The following AGPAT4 variants were observed in gnomAD, a reference collection of about 807,000 sequenced individuals.
AGPAT4 encodes the protein 1-acyl-sn-glycerol-3-phosphate acyltransferase delta.
In AGPAT4, 15 loss-of-function variants were observed where a neutral mutation model predicts 48.0. The ratio of observed to expected loss-of-function variants is 0.31; its 90% CI spans 0.21 to 0.48. The LOEUF (loss-of-function observed/expected upper bound fraction) is 0.48. AGPAT4 is among the 20% of genes least tolerant of loss of function. The pLI is 0.99. For synonymous variants in AGPAT4, 178 were observed against 198.7 expected, an observed-to-expected ratio of 0.90 and a Z score of 0.88; for missense variants, 314 against 482.5, an observed-to-expected ratio of 0.65 and a Z score of 3.27.
chr6:161,194,318 G>C (rs533802876), intron 2 of AGPAT4, among the ~76,000 whole-genome samples: 4 of 152,050 alleles, frequency 2.6e-5, no homozygotes, highest in African/African-American at 9.7e-5. Context: ...TAATTTGGAC[G>C]CACGACACTA....
rs1338086257 is a variant in AGPAT4 at position 161,219,896 on chromosome 6, CA to C, written c.178+12139del. Among the ~76,000 whole-genome samples the C allele has an allele frequency of 1.3e-3, 176 of 136,342 alleles. No individual in the cohort carries two copies. The highest frequency in any genetic ancestry group is 5.0e-3 in the African/African-American group (160 of 31,838). The allele number at this position is 136,342 out of a possible 152,430, so 89.4% of individuals were successfully genotyped here. A position where few individuals can be genotyped will look rare whatever the true frequency, so the allele number is the denominator to read the frequency against. ...ATAGGCAGGCAGGCAGGCAGGCAGG[CA>C]GGCAGGCAGGCAGGCAGGCGGCAGG... On this transcript the variant is annotated intron_variant, in intron 2 of 8. Coordinates refer to ENST00000320285, the MANE Select transcript of AGPAT4 (RefSeq NM_020133.3). This position sits in a 1 kb window ranked among gnomAD's most constrained non-coding sequence, Gnocchi z 4.9.
rs1402153024 is a variant in AGPAT4, at chr6:161,148,295, T to C, written c.767+892A>G. Among the ~76,000 whole-genome samples the C allele has an allele frequency of 1.3e-5, 2 of 152,224 alleles. No homozygotes were observed. Among genetic ancestry groups the C allele is most frequent in the Non-Finnish European group, 2.9e-5 (2 of 68,044 alleles). On this transcript the variant is annotated intron_variant, in intron 6 of 8. Coordinates refer to ENST00000320285, the MANE Select transcript of AGPAT4 (RefSeq NM_020133.3). The surrounding 1 kb of genome is among the most constrained non-coding windows in gnomAD (Gnocchi z 5.5). Reference sequence around the variant, plus strand: ...AAGAAGTCAGTGATGATGACGATGCTGTCCTATTTTCATGGGAAAGCCAGA... The same window carrying C: ...AAGAAGTCAGTGATGATGACGATGCCGTCCTATTTTCATGGGAAAGCCAGA...
At chr6:161,163,098 C>T (rs1024295987) in intron 3 of AGPAT4, among the ~76,000 whole-genome samples, 1 of 152,254 alleles carries the variant, frequency 6.6e-6, no homozygotes, top group African/African-American at 2.4e-5. Flanking sequence ...GAGCAGTGGC[C>T]TCATGGGATC....
chr6:161,250,049 G>A (rs886776206), intron 1 of AGPAT4, among the ~76,000 whole-genome samples: 4 of 152,172 alleles, frequency 2.6e-5, no homozygotes, highest in African/African-American at 9.7e-5. Context: ...CAGCAACATG[G>A]ATGGAGCTGG....
Position 161,195,837 on chromosome 6 carries a change from G to A in AGPAT4, c.179-29420C>T, listed in dbSNP as rs1400938339. Among the ~76,000 whole-genome samples the A allele has an allele frequency of 6.6e-6, 1 of 152,204 alleles. No homozygotes were observed. Among genetic ancestry groups the A allele is most frequent in the African/African-American group, 2.4e-5 (1 of 41,442 alleles). Reference sequence around the variant, plus strand: ...ACTGCTCTCTGGGGCAGGTGTCAGGGCCAGCAGGCAGGCTGATTGTCTAGC... The same window carrying A: ...ACTGCTCTCTGGGGCAGGTGTCAGGACCAGCAGGCAGGCTGATTGTCTAGC... On this transcript the variant is annotated intron_variant, in intron 2 of 8. Transcript: ENST00000320285. The surrounding 1 kb of genome is among the most constrained non-coding windows in gnomAD (Gnocchi z 5.0).
rs1583289856 is a variant in AGPAT4 at position 161,159,426 on chromosome 6, T to G, written c.349-5116A>C. ...AAGGGAGAAGCAGAAAGCTTTCAGTTTCTGTGTTCCACTTCTGCCACTAAA... is the reference window on the plus strand; with the variant it reads ...AAGGGAGAAGCAGAAAGCTTTCAGTGTCTGTGTTCCACTTCTGCCACTAAA... On this transcript the variant is annotated intron_variant, in intron 3 of 8. Transcript: ENST00000320285. This position sits in a 1 kb window ranked among gnomAD's most constrained non-coding sequence, Gnocchi z 4.1. Among the ~76,000 whole-genome samples, 1 of 152,258 alleles carries G rather than the reference T, an allele frequency of 6.6e-6. No homozygotes were observed. Among genetic ancestry groups the G allele is most frequent in the South Asian group, 2.1e-4 (1 of 4,828 alleles).
intron 5 of AGPAT4, 70 bp downstream of exon 5, chr6:161,153,276 G>A: frequency 6.5e-7 from 1 of 1,529,898 alleles, no homozygotes; most frequent in African/African-American, 1.4e-5. Context: ...AGCAAGCTCT[G>A]CCCATCCGGA....
At chr6:161,210,823 T>A (rs1235061450) in intron 2 of AGPAT4, among the ~76,000 whole-genome samples, 1 of 152,216 alleles carries the variant, frequency 6.6e-6, no homozygotes, top group Non-Finnish European at 1.5e-5. Flanking sequence ...ATCAGAATGA[T>A]CTTTTCTTGT....
intron 2 of AGPAT4, among the ~76,000 whole-genome samples, chr6:161,186,467 G>A (rs956644507): frequency 5.9e-5 from 9 of 152,012 alleles, no homozygotes; most frequent in African/African-American, 9.7e-5. Flanking sequence ...GCTCGCTGCC[G>A]TCACTGGTTC....
rs146720281 is a variant in AGPAT4 at position 161,155,737 on chromosome 6, C to T, written c.349-1427G>A. Among the ~76,000 whole-genome samples, 236 of 152,328 alleles carry T rather than the reference C, an allele frequency of 1.5e-3. 1 individual carries two copies. The highest frequency in any genetic ancestry group is 5.4e-3 in the African/African-American group (225 of 41,588). On this transcript the variant is annotated intron_variant, in intron 3 of 8. Coordinates refer to ENST00000320285, the MANE Select transcript of AGPAT4 (RefSeq NM_020133.3). The surrounding 1 kb of genome is among the most constrained non-coding windows in gnomAD (Gnocchi z 5.8). ...ATCTCCAGGGGACTCCGGGAACATC[C>T]CCGTGGGTGGGTGAACCCACTGGTG... is the stretch of plus-strand genomic sequence containing the variant.
At position 161,153,788 on chromosome 6, in the gene AGPAT4, A is replaced by G. The variant is rs867745962; in HGVS notation, c.511-289T>C. On this transcript the variant is annotated intron_variant, in intron 4 of 8. Transcript: ENST00000320285. ...GGCCCCATGGTTACATACAGCCCTG[A>G]GGTCACACATAGCCCTGGGGTCACA... Among the ~76,000 whole-genome samples the G allele has an allele frequency of 6.2e-3, 680 of 109,620 alleles. 6 individuals carry two copies. The highest frequency in any genetic ancestry group is 0.023 in the African/African-American group (646 of 27,726). 71.9% of individuals were successfully genotyped at this position (109,620 alleles called of 152,430 possible). A position where few individuals can be genotyped will look rare whatever the true frequency, so the allele number is the denominator to read the frequency against.
chr6:161,261,819 G>C lies in AGPAT4; in HGVS notation c.-90+12119C>G, dbSNP rs981286588. 6.6e-5 allele frequency among the ~76,000 whole-genome samples: 10 copies of C among 152,122 alleles called. No individual in the cohort carries two copies. The highest frequency in any genetic ancestry group is 2.2e-4 in the African/African-American group (9 of 41,428). On this transcript the variant is annotated intron_variant, in intron 1 of 8. Transcript: ENST00000320285. The surrounding 1 kb of genome is among the most constrained non-coding windows in gnomAD (Gnocchi z 5.3). ...CTTCTGACTGCATTTTCCTAGCACA[G>C]AGCTGTGAATGCTGCATATCCAAAG...
rs1261988421 is a variant in AGPAT4 at position 161,159,035 on chromosome 6, T to C, written c.349-4725A>G. On this transcript the variant is annotated intron_variant, in intron 3 of 8. Coordinates refer to ENST00000320285, the MANE Select transcript of AGPAT4 (RefSeq NM_020133.3). This position sits in a 1 kb window ranked among gnomAD's most constrained non-coding sequence, Gnocchi z 4.1. Reference sequence around the variant, plus strand: ...AATATATAAAATGAGGTATCTTAAGTGGAACTTCAAAAACAGGTGAGATGT... The same window carrying C: ...AATATATAAAATGAGGTATCTTAAGCGGAACTTCAAAAACAGGTGAGATGT... 1.3e-5 allele frequency among the ~76,000 whole-genome samples: 2 copies of C among 152,222 alleles called. No individual in the cohort carries two copies. The highest frequency in any genetic ancestry group is 2.9e-5 in the Non-Finnish European group (2 of 68,030).
In AGPAT4 at chr6:161,159,183, C is replaced by G. The variant is rs1333976013; in HGVS notation, c.349-4873G>C. On this transcript the variant is annotated intron_variant, in intron 3 of 8. Coordinates refer to ENST00000320285, the MANE Select transcript of AGPAT4 (RefSeq NM_020133.3). This position sits in a 1 kb window ranked among gnomAD's most constrained non-coding sequence, Gnocchi z 4.1. The stretch of plus-strand genomic sequence containing the variant: ...CTGGAGCCAAGACAAGCCATCCAGC[C>G]CTATCACTCCAGGGTCCCCACAAGT... 6.6e-6 allele frequency among the ~76,000 whole-genome samples: 1 copy of G among 152,152 alleles called. No individual in the cohort carries two copies. The highest frequency in any genetic ancestry group is 1.5e-5 in the Non-Finnish European group (1 of 68,020).
chr6:161,145,222 T>C (rs1199805302), intron 7 of AGPAT4, among the ~76,000 whole-genome samples: 2 of 151,644 alleles, frequency 1.3e-5, no homozygotes, highest in Non-Finnish European at 2.9e-5. Flanking sequence ...CAGAAGCAGT[T>C]TGCTGGAAGT....
rs994442247 is a variant in AGPAT4 at position 161,270,695 on chromosome 6, T to C, written c.-90+3243A>G. Among the ~76,000 whole-genome samples the C allele has an allele frequency of 6.6e-6, 1 of 152,030 alleles. No homozygotes were observed. The highest frequency in any genetic ancestry group is 2.4e-5 in the African/African-American group (1 of 41,378). ...TACTCGGGAGGCTGAGGCAGGAGAATCGCTTGAATCCAGGAGGGGGAGGTT... is the reference window on the plus strand; with the variant it reads ...TACTCGGGAGGCTGAGGCAGGAGAACCGCTTGAATCCAGGAGGGGGAGGTT... On this transcript the variant is annotated intron_variant, in intron 1 of 8. Coordinates refer to ENST00000320285, the MANE Select transcript of AGPAT4 (RefSeq NM_020133.3). The surrounding 1 kb of genome is among the most constrained non-coding windows in gnomAD (Gnocchi z 5.3).
chr6:161,168,646 G>A (rs566198761), intron 2 of AGPAT4, among the ~76,000 whole-genome samples: 15 of 152,160 alleles, frequency 9.9e-5, no homozygotes, highest in Non-Finnish European at 1.6e-4. Flanking sequence ...TACCTAATGC[G>A]TTCAAGCACT....
intron 1 of AGPAT4, among the ~76,000 whole-genome samples, chr6:161,260,913 G>A (rs947760358): frequency 3.9e-5 from 6 of 152,056 alleles, no homozygotes; most frequent in East Asian, 3.9e-4. Context: ...ATAAATAAAC[G>A]TCAGGGTTAG....
chr6:161,168,578 G>A (rs915428619), intron 2 of AGPAT4, among the ~76,000 whole-genome samples: 4 of 151,732 alleles, frequency 2.6e-5, no homozygotes, highest in African/African-American at 9.7e-5. Context: ...CCTTAGCCTC[G>A]ACTCCAAGAC....
Sources: gnomAD v4.1 joint callset for allele counts (sites outside exome capture counted in the v4.1 genomes callset) on GRCh38, gnomAD v4.1.1 for gene constraint, Gnocchi (gnomAD v3.1) non-coding constraint, MANE v1.5 for transcripts, NCBI Gene and HGNC (gene_info 2026-07-23, HGNC 2026-07-21) for gene names.